The following EVI5 variants were observed in gnomAD, a reference collection of about 807,000 sequenced individuals.
EVI5 encodes ecotropic viral integration site 5 protein homolog.
A neutral mutation model predicts 112.0 loss-of-function variants in EVI5; 73 were observed. The ratio of observed to expected loss-of-function variants is 0.65; its 90% CI spans 0.54 to 0.79. The LOEUF (loss-of-function observed/expected upper bound fraction) is 0.79. EVI5 is among the 30% of genes least tolerant of loss of function. EVI5 has a pLI of 0.00. For missense variants in EVI5, 900 were observed against 968.8 expected, an observed-to-expected ratio of 0.93 and a Z score of 0.94; for synonymous variants, 305 against 319.9, an observed-to-expected ratio of 0.95 and a Z score of 0.50.
Position 92,513,895 on chromosome 1 carries a change from T to C in EVI5, c.2242A>G (p.Ile748Val). ...FDGIHIVNHLIGDDESFHSSD... is the reference protein window; with the variant it reads ...FDGIHIVNHLVGDDESFHSSD... ...GAATGGAATGATTCATCATCTCCTA[T>C]TAAATGGTTGACAATGTGGATTCCA... Residue 748 changes from isoleucine to valine, a missense_variant, in exon 20 of 20, where the codon ATA becomes GTA. By Grantham distance (29) the Ile-to-Val change is conservative (BLOSUM62 3). Transcript: ENST00000684568. The C allele has an allele frequency of 6.2e-7, 1 of 1,610,108 alleles. No individual in the cohort carries two copies. The highest frequency in any genetic ancestry group is 8.5e-7 in the Non-Finnish European group (1 of 1,177,338).
Position 92,510,993 on chromosome 1 carries a change from A to C in EVI5, c.*2663T>G, listed in dbSNP as rs1247995927. Reference sequence around the variant, plus strand: ...ATAGCTTTCTGGGCTGATAGTATAGAACTCCGAACAAAAATCCCCAAAGCA... The same window carrying C: ...ATAGCTTTCTGGGCTGATAGTATAGCACTCCGAACAAAAATCCCCAAAGCA... On this transcript the variant is annotated 3_prime_UTR_variant, in exon 20 of 20. Transcript: ENST00000684568. The C allele has an allele frequency of 1.3e-5, 2 of 152,190 alleles. No homozygotes were observed. The allele number at this position is 152,190 out of a possible 1,614,324, so 9.4% of individuals were successfully genotyped here.
At chr1:92,549,471 TGGC>T (rs1377868808) in intron 19 of EVI5, among the ~76,000 whole-genome samples, 2 of 151,388 alleles carry the variant, frequency 1.3e-5, no homozygotes, top group African/African-American at 4.9e-5. Flanking sequence ...CCAAAAGCAA[TGGC>T]ATCAAAAGCC....
At chr1:92,750,941 G>A (rs1014258180) in intron 1 of EVI5, among the ~76,000 whole-genome samples, 1 of 152,158 alleles carries the variant, frequency 6.6e-6, no homozygotes, top group African/African-American at 2.4e-5. Context: ...ATGAGGTCAG[G>A]AGATCGAGAC....
At chr1:92,571,075 A>G (rs879806977) in intron 18 of EVI5, among the ~76,000 whole-genome samples, 1 of 151,822 alleles carries the variant, frequency 6.6e-6, no homozygotes, top group Non-Finnish European at 1.5e-5. Context: ...AGATTTAAAT[A>G]AAATTTAATA....
At chr1:92,663,491 G>A (rs1315547487) in intron 11 of EVI5, 39 bp from the exon 12 acceptor site, 7 of 1,038,716 alleles carry the variant, frequency 6.7e-6, no homozygotes, top group Admixed American at 2.8e-5. Context: ...ATAAGAGAAA[G>A]AAATAAAAGT....
chr1:92,698,268 C>T (rs945493086), intron 5 of EVI5, among the ~76,000 whole-genome samples: 1 of 152,214 alleles, frequency 6.6e-6, no homozygotes, highest in Non-Finnish European at 1.5e-5. Context: ...ATACTTTTCT[C>T]TCTCTGGGTA....
At chr1:92,741,570 T>G (rs1431334696) in intron 1 of EVI5, among the ~76,000 whole-genome samples, 2 of 152,200 alleles carry the variant, frequency 1.3e-5, no homozygotes, top group African/African-American at 2.4e-5. Flanking sequence ...CATTTGATTT[T>G]ATTTTAAAAA....
chr1:92,624,684 T>C (rs1655262113), intron 15 of EVI5, among the ~76,000 whole-genome samples: 1 of 93,888 alleles, frequency 1.1e-5, no homozygotes, highest in Non-Finnish European at 1.9e-5. Flanking sequence ...CTCTAGTCTC[T>C]ACTTCAAAAA....
At position 92,591,316 on chromosome 1, in the gene EVI5, G is replaced by C. The variant is rs576674010; in HGVS notation, c.2070+13991C>G. Reference sequence around the variant, plus strand: ...ATGCTCCAATTAAAAGACACAGACTGGCAAATTGGATAGAGTCAAGACCCA... The same window carrying C: ...ATGCTCCAATTAAAAGACACAGACTCGCAAATTGGATAGAGTCAAGACCCA... On this transcript the variant is annotated intron_variant, in intron 18 of 19. Coordinates refer to ENST00000684568, the MANE Select transcript of EVI5 (RefSeq NM_001350197.2). Among the ~76,000 whole-genome samples, 110 of 152,228 alleles carry C rather than the reference G, an allele frequency of 7.2e-4. 1 individual carries two copies. The highest frequency in any genetic ancestry group is 4.1e-3 in the South Asian group (20 of 4,824).
At position 92,780,959 on chromosome 1, in the gene EVI5, C is replaced by A. The variant is rs369887684; in HGVS notation, c.-82+3877G>T. ...CTCTGCCTCCTAGGTTCAAGCGATT[C>A]TCCTGCCTCAGCCTCCTGAGTAGCT... On this transcript the variant is annotated intron_variant, in intron 1 of 19. Coordinates refer to ENST00000684568, the MANE Select transcript of EVI5 (RefSeq NM_001350197.2). 3.5e-4 allele frequency among the ~76,000 whole-genome samples: 53 copies of A among 151,600 alleles called. 1 individual carries two copies. The East Asian group carries it at 9.8e-3, about 28-fold the overall frequency.
intron 19 of EVI5, among the ~76,000 whole-genome samples, chr1:92,539,561 A>C (rs28626609): frequency 2.1e-4 from 1 of 4,720 alleles, no homozygotes. Context: ...AAAAAAAAAA[A>C]AAAAATCTTG....
At position 92,736,615 on chromosome 1, in the gene EVI5, T is replaced by C; in HGVS notation, c.-69A>G. On this transcript the variant is annotated 5_prime_UTR_variant, in exon 2 of 20. Transcript: ENST00000684568. ...GTAGAGCTCAGCTTTTCTGCAACTT[T>C]GTCTGTCGCCACCTAAGGACAAAAA... The C allele has an allele frequency of 1.9e-6, 3 of 1,613,374 alleles. No individual in the cohort carries two copies. Among genetic ancestry groups the C allele is most frequent in the Non-Finnish European group, 2.5e-6 (3 of 1,179,308 alleles).
At chr1:92,655,798 C>A (rs1255641328) in intron 13 of EVI5, among the ~76,000 whole-genome samples, 3 of 152,102 alleles carry the variant, frequency 2.0e-5, no homozygotes, top group South Asian at 2.1e-4. Context: ...TATATATGTA[C>A]CCGATATAGG....
At chr1:92,592,010 A>G (rs972617649) in intron 18 of EVI5, among the ~76,000 whole-genome samples, 23 of 152,168 alleles carry the variant, frequency 1.5e-4, no homozygotes, top group African/African-American at 3.6e-4. Context: ...TTGGGAGGCC[A>G]AGGCGGGCGG....
At chr1:92,720,946 G>T (rs980085180) in intron 2 of EVI5, among the ~76,000 whole-genome samples, 14 of 152,214 alleles carry the variant, frequency 9.2e-5, no homozygotes, top group Non-Finnish European at 1.8e-4. Flanking sequence ...GGTCATCAGA[G>T]AAATGCAAAT....
At chr1:92,523,843 TG>T (rs749806939) in intron 19 of EVI5, among the ~76,000 whole-genome samples, 5 of 152,118 alleles carry the variant, frequency 3.3e-5, no homozygotes, top group African/African-American at 4.8e-5. Flanking sequence ...CCCAGCACTT[TG>T]GGAGGCCGAG....
At chr1:92,786,657 CCT>C (rs892510867), upstream of EVI5, among the ~76,000 whole-genome samples, 13 of 152,124 alleles carry the variant, frequency 8.5e-5, no homozygotes, top group African/African-American at 1.9e-4. Flanking sequence ...CCCTTTATCC[CCT>C]CTCTAATCTC....
intron 17 of EVI5, 54 bp from the exon 18 acceptor site, chr1:92,605,456 G>C (rs1650170606): frequency 2.4e-6 from 3 of 1,235,138 alleles, no homozygotes; most frequent in Non-Finnish European, 3.6e-6. Context: ...TTGGAATTCA[G>C]ATTTTAGAAA....
intron 10 of EVI5, among the ~76,000 whole-genome samples, chr1:92,673,433 G>GT (rs549803996): frequency 3.2e-4 from 48 of 151,942 alleles, no homozygotes; most frequent in African/African-American, 1.1e-3. Context: ...CAGAATCAAA[G>GT]TTTTTTTCCT....
Sources: gnomAD v4.1 joint callset for allele counts (sites outside exome capture counted in the v4.1 genomes callset) on GRCh38, gnomAD v4.1.1 for gene constraint, MANE v1.5 for transcripts, NCBI Gene and HGNC (gene_info 2026-07-23, HGNC 2026-07-21) for gene names.